The following CDH4 variants were observed in gnomAD, a reference collection of about 807,000 sequenced individuals.
The protein encoded by CDH4 is cadherin-4.
Under a neutral mutation model 86.0 loss-of-function variants are expected in CDH4, and 33 were observed. The ratio of observed to expected loss-of-function variants is 0.38; its 90% CI spans 0.29 to 0.51. The LOEUF is 0.51. Ranked by LOEUF, CDH4 falls within the 20% of genes least tolerant of loss-of-function variation. The pLI is 0.86. For synonymous variants in CDH4, 555 were observed against 549.4 expected (o/e 1.01, Z -0.14); for missense variants, 1,114 against 1,307.4 (o/e 0.85, Z 2.28).
chr20:61,880,673 C>T (rs953557209), intron 7 of CDH4, among the ~76,000 whole-genome samples: 1 of 152,172 alleles, frequency 6.6e-6, no homozygotes, highest in African/African-American at 2.4e-5. Context: ...GACGCAGAGG[C>T]CGCCACCCCT....
At chr20:61,434,783 A>G (rs1178524379) in intron 2 of CDH4, 1 of 152,194 alleles carries the variant, frequency 6.6e-6, no homozygotes, top group Admixed American at 6.5e-5. Context: ...GCCAGGCTGC[A>G]GCTGCTAACC....
chr20:61,667,302 C>T (rs2087337230), intron 2 of CDH4, among the ~76,000 whole-genome samples: 1 of 152,286 alleles, frequency 6.6e-6, no homozygotes. Context: ...ATGCACATCC[C>T]GCCCACCCTG....
At chr20:61,696,108 G>A (rs1023063475) in intron 2 of CDH4, among the ~76,000 whole-genome samples, 5 of 152,234 alleles carry the variant, frequency 3.3e-5, no homozygotes, top group Admixed American at 1.3e-4. Flanking sequence ...TCAGCACAGA[G>A]ACAGATCTAA....
intron 2 of CDH4, chr20:61,370,450 C>G (rs1015583144): frequency 4.6e-5 from 7 of 152,310 alleles, no homozygotes; most frequent in Admixed American, 4.6e-4. Flanking sequence ...AGTCTGTGGC[C>G]TCCTCCCTCT....
chr20:61,845,807 T>A (rs1316242259), intron 5 of CDH4, among the ~76,000 whole-genome samples: 1 of 152,228 alleles, frequency 6.6e-6, no homozygotes, highest in Non-Finnish European at 1.5e-5. Context: ...CCTGACAGTG[T>A]CACCTTGCTC....
At chr20:61,561,627 C>T (rs2086217124) in intron 2 of CDH4, among the ~76,000 whole-genome samples, 2 of 152,240 alleles carry the variant, frequency 1.3e-5, no homozygotes. Context: ...ATCTGGCCTG[C>T]TGCCTGTTTT....
intron 2 of CDH4, among the ~76,000 whole-genome samples, chr20:61,308,138 C>T (rs1007113773): frequency 1.8e-4 from 28 of 152,272 alleles, no homozygotes; most frequent in African/African-American, 5.5e-4. Flanking sequence ...GCCCAGGGGG[C>T]GGGGGCATGC....
rs1336668528 is a variant in CDH4 at position 61,392,797 on chromosome 20, A to G, written c.169+137860A>G. On this transcript the variant is annotated intron_variant, in intron 2 of 15. Transcript: ENST00000614565. This position sits in a 1 kb window ranked among gnomAD's most constrained non-coding sequence, Gnocchi z 5.7. ...ATTTATTTCCTAGCGGGGTAGAAAC[A>G]CTGGCCCCCCACGGTGCTCTAGAAA... 1.3e-5 allele frequency among the ~76,000 whole-genome samples: 2 copies of G among 152,162 alleles called. No individual in the cohort carries two copies. Among genetic ancestry groups the G allele is most frequent in the African/African-American group, 4.8e-5 (2 of 41,434 alleles).
chr20:61,401,529 C>T (rs6121455), intron 2 of CDH4, among the ~76,000 whole-genome samples: 76,293 of 151,822 alleles, frequency 0.5, 20,189 homozygotes, highest in African/African-American at 0.67. Context: ...GGGGCATGGG[C>T]TTCTTCACAT....
chr20:61,936,729 AC>A lies in CDH4; in HGVS notation c.2545-3del. 1 of 1,520,152 alleles carries A rather than the reference AC, an allele frequency of 6.6e-7. No individual in the cohort carries two copies. The allele number at this position is 1,520,152 out of a possible 1,614,324, so 94.2% of individuals were successfully genotyped here. The stretch of plus-strand genomic sequence containing the variant: ...CCTGCACCCTAACTCTGTGTCTGTG[AC>A]CCCCAGGGACTCCGCGCTGCTGACA... On this transcript the variant is annotated splice_polypyrimidine_tract_variant and splice_region_variant and intron_variant, in intron 15 of 15. Coordinates refer to ENST00000614565, the MANE Select transcript of CDH4 (RefSeq NM_001794.5).
chr20:61,358,819 A>AAG (rs763790900), intron 2 of CDH4, among the ~76,000 whole-genome samples: 33,622 of 152,062 alleles, frequency 0.22, 4,184 homozygotes, highest in South Asian at 0.34. Context: ...GAAGGAGAGG[A>AAG]GACCTGCATG....
At chr20:61,460,987 A>T (rs765932831) in intron 2 of CDH4, among the ~76,000 whole-genome samples, 2 of 152,126 alleles carry the variant, frequency 1.3e-5, no homozygotes, top group Non-Finnish European at 2.9e-5. Flanking sequence ...TGTCGACAGT[A>T]TCCTGCTCCC....
At chr20:61,927,849 G>A (rs1029928818) in intron 11 of CDH4, among the ~76,000 whole-genome samples, 1 of 152,144 alleles carries the variant, frequency 6.6e-6, no homozygotes, top group Non-Finnish European at 1.5e-5. Flanking sequence ...CGTGTGCTCT[G>A]CCGTGTCTGT....
At chr20:61,476,759 C>G (rs1218483008) in intron 2 of CDH4, among the ~76,000 whole-genome samples, 1 of 152,214 alleles carries the variant, frequency 6.6e-6, no homozygotes, top group African/African-American at 2.4e-5. Flanking sequence ...AAACAGTGTT[C>G]CTGAATATGG....
rs570051043 is a variant in CDH4 at position 61,510,224 on chromosome 20, G to C, written c.170-233339G>C. ...ATCTATGCGCTCAGCACTCCCGCTC[G>C]TGGAGCTCAGGAAAGGACACCCATG... On this transcript the variant is annotated intron_variant, in intron 2 of 15. Coordinates refer to ENST00000614565, the MANE Select transcript of CDH4 (RefSeq NM_001794.5). This position sits in a 1 kb window ranked among gnomAD's most constrained non-coding sequence, Gnocchi z 4.2. Among the ~76,000 whole-genome samples the C allele has an allele frequency of 2.0e-3, 307 of 152,304 alleles. 1 individual carries two copies. Among genetic ancestry groups the C allele is most frequent in the African/African-American group, 7.1e-3 (294 of 41,554 alleles).
At chr20:61,637,802 C>T (rs1398224231) in intron 2 of CDH4, among the ~76,000 whole-genome samples, 3 of 152,056 alleles carry the variant, frequency 2.0e-5, no homozygotes, top group African/African-American at 7.2e-5. Context: ...GGGCGGATCA[C>T]CTGAGGTCAG....
intron 4 of CDH4, among the ~76,000 whole-genome samples, chr20:61,820,272 C>T (rs533291790): frequency 6.6e-5 from 10 of 152,222 alleles, no homozygotes; most frequent in South Asian, 2.1e-4. Flanking sequence ...ACCTACACAG[C>T]GACCAGCGGC....
intron 13 of CDH4, among the ~76,000 whole-genome samples, chr20:61,931,248 G>GGGCTCCA (rs1157548540): frequency 1.3e-5 from 2 of 152,236 alleles, no homozygotes; most frequent in Non-Finnish European, 2.9e-5. Flanking sequence ...GACTAGGCCC[G>GGGCTCCA]GGCTCCAGGC....
chr20:61,867,173 C>G (rs969557679), intron 6 of CDH4, among the ~76,000 whole-genome samples: 3 of 152,250 alleles, frequency 2.0e-5, no homozygotes, highest in Non-Finnish European at 2.9e-5. Flanking sequence ...GATTTTGAAG[C>G]CCTGCTCTCC....
Sources: allele counts gnomAD v4.1 joint callset (sites outside exome capture counted in the v4.1 genomes callset), GRCh38; gene constraint gnomAD v4.1.1; non-coding constraint Gnocchi (gnomAD v3.1); transcripts MANE v1.5; gene names NCBI Gene and HGNC (gene_info 2026-07-23, HGNC 2026-07-21).